The following PTPRD variants were observed in gnomAD, a reference collection of about 807,000 sequenced individuals.
The protein encoded by PTPRD is protein tyrosine phosphatase receptor type D.
PTPRD carries 34 observed loss-of-function variants against 214.5 expected under a neutral mutation model. The ratio of observed to expected loss-of-function variants is 0.16; its 90% confidence interval spans 0.12 to 0.21. PTPRD has a LOEUF of 0.21. Among genes scored for constraint, PTPRD ranks in the 10% least tolerant of loss-of-function variants. The pLI is 1.00. For synonymous variants in PTPRD, 1,128 were observed against 845.7 expected (o/e 1.33, Z -5.79); for missense variants, 2,545 against 2,398.7 (o/e 1.06, Z -1.27).
At chr9:10,570,882 T>C (rs373283177) in intron 2 of PTPRD, among the ~76,000 whole-genome samples, 1 of 135,564 alleles carries the variant, frequency 7.4e-6, no homozygotes, top group Admixed American at 7.2e-5. Context: ...GTGAGTCTTC[T>C]TTTTTTTTTT....
In PTPRD at chr9:9,360,417, T is replaced by C. The variant is rs185201968; in HGVS notation, c.-203+37032A>G. 3.0e-3 allele frequency among the ~76,000 whole-genome samples: 451 copies of C among 151,342 alleles called. 2 individuals carry two copies. Among genetic ancestry groups the C allele is most frequent in the African/African-American group, 0.01 (423 of 41,440 alleles). ...AGTAAAATCCCATTTCCTAAGGGGA[T>C]GTTTTAAGCAAATTTATACTAAACT... is the stretch of plus-strand genomic sequence containing the variant. On this transcript the variant is annotated intron_variant, in intron 9 of 45. Transcript: ENST00000381196.
chr9:10,259,511 C>T (rs1047719181), intron 3 of PTPRD, among the ~76,000 whole-genome samples: 3 of 152,118 alleles, frequency 2.0e-5, no homozygotes, highest in East Asian at 1.9e-4. Context: ...AAATAGGAGT[C>T]GCTGCTGTTT....
chr9:10,079,105 T>A (rs1271056494), intron 3 of PTPRD, among the ~76,000 whole-genome samples: 1 of 152,144 alleles, frequency 6.6e-6, no homozygotes, highest in African/African-American at 2.4e-5. Context: ...AAATGTCCTC[T>A]TAAGAGACCA....
At chr9:8,371,401 C>A (rs1371660943) in intron 39 of PTPRD, among the ~76,000 whole-genome samples, 1 of 151,958 alleles carries the variant, frequency 6.6e-6, no homozygotes, top group African/African-American at 2.4e-5. Context: ...TGTACATAAG[C>A]CATGACTCAT....
intron 11 of PTPRD, among the ~76,000 whole-genome samples, chr9:8,949,172 C>G (rs1232637577): frequency 7.0e-6 from 1 of 142,872 alleles, no homozygotes; most frequent in Non-Finnish European, 1.5e-5. Flanking sequence ...TGCAGTGAGC[C>G]AAGATCATGC....
At chr9:9,185,143 G>A (rs2099930551) in intron 9 of PTPRD, among the ~76,000 whole-genome samples, 1 of 151,944 alleles carries the variant, frequency 6.6e-6, no homozygotes, top group Non-Finnish European at 1.5e-5. Flanking sequence ...ACCCTCTACT[G>A]GATTTAATGC....
intron 7 of PTPRD, among the ~76,000 whole-genome samples, chr9:9,583,277 A>G (rs887937363): frequency 1.3e-5 from 2 of 152,060 alleles, no homozygotes; most frequent in Non-Finnish European, 2.9e-5. Flanking sequence ...TATGTCTCTT[A>G]ACTGAAAATT....
intron 7 of PTPRD, among the ~76,000 whole-genome samples, chr9:9,606,254 G>C (rs1272785163): frequency 1.3e-5 from 2 of 152,090 alleles, no homozygotes; most frequent in Non-Finnish European, 2.9e-5. Flanking sequence ...CGATGGAGAT[G>C]TCATTAACAA....
intron 14 of PTPRD, among the ~76,000 whole-genome samples, chr9:8,543,026 A>G (rs1007148065): frequency 4.6e-5 from 7 of 152,222 alleles, no homozygotes; most frequent in African/African-American, 1.7e-4. Flanking sequence ...TAAGAGGAAG[A>G]ATAATTTGAG....
chr9:9,760,655 T>G (rs10977958), intron 6 of PTPRD, among the ~76,000 whole-genome samples: 188 of 86,458 alleles, frequency 2.2e-3, no homozygotes, highest in African/African-American at 5.9e-3. Context: ...CACACACACA[T>G]ATATATATAT....
At chr9:9,001,381 G>A (rs945161664) in intron 11 of PTPRD, among the ~76,000 whole-genome samples, 1 of 151,980 alleles carries the variant, frequency 6.6e-6, no homozygotes, top group Non-Finnish European at 1.5e-5. Flanking sequence ...TGAGTTACCT[G>A]TACAAGTTTA....
At chr9:9,355,358 T>C (rs1225212857) in intron 9 of PTPRD, among the ~76,000 whole-genome samples, 2 of 143,522 alleles carry the variant, frequency 1.4e-5, no homozygotes, top group African/African-American at 5.2e-5. Flanking sequence ...CAGATGACTA[T>C]GGTTTGGACC....
At chr9:9,926,875 T>A (rs1317227443) in intron 5 of PTPRD, among the ~76,000 whole-genome samples, 1 of 152,144 alleles carries the variant, frequency 6.6e-6, no homozygotes, top group Non-Finnish European at 1.5e-5. Flanking sequence ...TAAATTGGAA[T>A]TGTATTTATT....
chr9:8,418,422 T>G (rs1425953770), intron 35 of PTPRD, among the ~76,000 whole-genome samples: 1 of 152,156 alleles, frequency 6.6e-6, no homozygotes, highest in Non-Finnish European at 1.5e-5. Context: ...GTTGTTTGAA[T>G]TCATTACCAT....
At chr9:9,864,856 T>G (rs1215273386) in intron 5 of PTPRD, among the ~76,000 whole-genome samples, 2 of 152,284 alleles carry the variant, frequency 1.3e-5, no homozygotes. Context: ...TTATTCACAT[T>G]AAAATTTATT....
intron 10 of PTPRD, among the ~76,000 whole-genome samples, chr9:9,073,129 T>C (rs1278457907): frequency 6.6e-6 from 1 of 152,174 alleles, no homozygotes; most frequent in African/African-American, 2.4e-5. Context: ...GAAACACTAA[T>C]TAGTAATAAC....
At chr9:9,251,281 G>C (rs1219144397) in intron 9 of PTPRD, among the ~76,000 whole-genome samples, 2 of 152,004 alleles carry the variant, frequency 1.3e-5, no homozygotes, top group East Asian at 1.9e-4. Flanking sequence ...GCATGTAAAA[G>C]AATGTCCAAC....
chr9:8,752,075 C>G (rs12352815), intron 11 of PTPRD, among the ~76,000 whole-genome samples: 1 of 152,018 alleles, frequency 6.6e-6, no homozygotes, highest in African/African-American at 2.4e-5. Context: ...CCCCTGCCAC[C>G]GCTGTCAGAG....
intron 11 of PTPRD, among the ~76,000 whole-genome samples, chr9:8,919,722 C>T (rs560889354): frequency 2.2e-4 from 34 of 151,544 alleles, no homozygotes; most frequent in Admixed American, 8.5e-4. Flanking sequence ...ACTGCAGTCA[C>T]GCATGCATGC....
Sources: allele counts gnomAD v4.1 joint callset (sites outside exome capture counted in the v4.1 genomes callset), GRCh38; gene constraint gnomAD v4.1.1; transcripts MANE v1.5; gene names NCBI Gene and HGNC (gene_info 2026-07-23, HGNC 2026-07-21).